The following KIAA0825 variants were observed in gnomAD, a reference collection of about 807,000 sequenced individuals.
KIAA0825 encodes the protein uncharacterized protein KIAA0825.
KIAA0825 carries 119 observed loss-of-function variants against 147.6 expected under a neutral mutation model. The observed-to-expected ratio is 0.81, with a 90% CI of 0.69 to 0.94. The LOEUF (loss-of-function observed/expected upper bound fraction) is 0.94. Ranked by LOEUF, KIAA0825 falls within the 40% of genes least tolerant of loss-of-function variation. The pLI is 0.00. For missense variants in KIAA0825, 1,381 were observed against 1,472.7 expected (o/e 0.94, Z 1.02); for synonymous variants, 470 against 518.1 (o/e 0.91, Z 1.26).
intron 2 of KIAA0825, among the ~76,000 whole-genome samples, chr5:94,541,636 G>C (rs960265506): frequency 6.6e-6 from 1 of 152,184 alleles, no homozygotes; most frequent in Non-Finnish European, 1.5e-5. Context: ...GTTTTCCTTA[G>C]GGCAAAGACT....
intron 2 of KIAA0825, among the ~76,000 whole-genome samples, chr5:94,551,095 A>G (rs1467693174): frequency 3.3e-5 from 5 of 151,650 alleles, no homozygotes; most frequent in African/African-American, 9.7e-5. Context: ...AAATAAAAAT[A>G]TAACATAAAG....
At chr5:94,284,592 A>G (rs1021843222) in intron 20 of KIAA0825, among the ~76,000 whole-genome samples, 1 of 152,124 alleles carries the variant, frequency 6.6e-6, no homozygotes, top group African/African-American at 2.4e-5. Flanking sequence ...ACAAACTTGG[A>G]GCTTATCATT....
intron 20 of KIAA0825, among the ~76,000 whole-genome samples, chr5:94,291,194 T>C (rs967645390): frequency 6.6e-6 from 1 of 152,166 alleles, no homozygotes; most frequent in Non-Finnish European, 1.5e-5. Context: ...AGCCTTGAAG[T>C]CTCTGCCCAT....
chr5:94,236,199 A>G (rs1394235696), intron 20 of KIAA0825, among the ~76,000 whole-genome samples: 2 of 152,248 alleles, frequency 1.3e-5, no homozygotes, highest in Non-Finnish European at 1.5e-5. Context: ...GGATTCATCA[A>G]TGTAGATGCC....
intron 14 of KIAA0825, among the ~76,000 whole-genome samples, chr5:94,436,039 G>A (rs1305758048): frequency 6.6e-6 from 1 of 152,096 alleles, no homozygotes; most frequent in East Asian, 1.9e-4. Flanking sequence ...TTGGTCCAAT[G>A]CATAGTTTGC....
chr5:94,550,796 C>G (rs1231690601), intron 2 of KIAA0825, among the ~76,000 whole-genome samples: 1 of 150,324 alleles, frequency 6.7e-6, no homozygotes, highest in Non-Finnish European at 1.5e-5. Flanking sequence ...GAGCCCAGAT[C>G]GCACCACTGC....
At chr5:94,605,199 C>T (rs1251465652) in intron 1 of KIAA0825, among the ~76,000 whole-genome samples, 1 of 152,118 alleles carries the variant, frequency 6.6e-6, no homozygotes, top group African/African-American at 2.4e-5. Context: ...CATACATCCT[C>T]TCATGACTGA....
intron 7 of KIAA0825, among the ~76,000 whole-genome samples, chr5:94,476,723 G>A (rs1761937706): frequency 6.6e-6 from 1 of 152,082 alleles, no homozygotes; most frequent in Non-Finnish European, 1.5e-5. Flanking sequence ...ACAGGTTTTG[G>A]GACCAAACAA....
intron 5 of KIAA0825, among the ~76,000 whole-genome samples, chr5:94,518,142 G>T (rs956459767): frequency 1.4e-4 from 22 of 152,146 alleles, no homozygotes; most frequent in Non-Finnish European, 2.9e-5. Context: ...TACAGACATA[G>T]ATTAAAGATA....
At chr5:94,457,008 GT>G (rs1057056737) in intron 12 of KIAA0825, among the ~76,000 whole-genome samples, 5 of 152,126 alleles carry the variant, frequency 3.3e-5, no homozygotes, top group Non-Finnish European at 5.9e-5. Context: ...TACCTAAACT[GT>G]TTTACTCCAC....
intron 20 of KIAA0825, among the ~76,000 whole-genome samples, chr5:94,189,104 C>T (rs1770429992): frequency 6.6e-6 from 1 of 152,096 alleles, no homozygotes; most frequent in African/African-American, 2.4e-5. Context: ...TAAGTATTTC[C>T]CTATTTATGA....
chr5:94,279,725 G>A (rs1777377330), intron 20 of KIAA0825, among the ~76,000 whole-genome samples: 1 of 151,970 alleles, frequency 6.6e-6, no homozygotes, highest in Non-Finnish European at 1.5e-5. Flanking sequence ...CTAGGCATCA[G>A]GGGAAGATAA....
chr5:94,517,365 T>G (rs1767428811), intron 5 of KIAA0825, among the ~76,000 whole-genome samples: 1 of 152,146 alleles, frequency 6.6e-6, no homozygotes, highest in Admixed American at 6.6e-5. Context: ...ATGTAAAGCC[T>G]TGTAAAGTCT....
chr5:94,329,945 G>A (rs1185011089), intron 20 of KIAA0825, among the ~76,000 whole-genome samples: 2 of 152,152 alleles, frequency 1.3e-5, no homozygotes, highest in Non-Finnish European at 2.9e-5. Flanking sequence ...TGCAGACAGA[G>A]TAAGATGAAG....
At position 94,273,556 on chromosome 5, in the gene KIAA0825, C is replaced by T. The variant is rs374076978; in HGVS notation, c.3710+110812G>A. On this transcript the variant is annotated intron_variant, in intron 20 of 20. Transcript: ENST00000682413. ...TTTTTCAGCCTCTGTCCCCATTACT[C>T]CATCTCTCCTTTTGGAGGTTTCAGT... Among the ~76,000 whole-genome samples, 6 of 152,064 alleles carry T rather than the reference C, an allele frequency of 3.9e-5. No individual in the cohort carries two copies. In the East Asian group the frequency reaches 9.7e-4, roughly 24 times the overall value.
At chr5:94,346,372 A>G (rs1366654940) in intron 20 of KIAA0825, among the ~76,000 whole-genome samples, 1 of 152,180 alleles carries the variant, frequency 6.6e-6, no homozygotes, top group Non-Finnish European at 1.5e-5. Flanking sequence ...AAAGCACAGA[A>G]TTTTAAGATA....
intron 20 of KIAA0825, among the ~76,000 whole-genome samples, chr5:94,211,645 A>G (rs1772717102): frequency 6.6e-6 from 1 of 152,128 alleles, no homozygotes; most frequent in Non-Finnish European, 1.5e-5. Context: ...AGTAAGATCT[A>G]TCTTCCGTAT....
chr5:94,225,505 A>G (rs1051726280), intron 20 of KIAA0825, among the ~76,000 whole-genome samples: 5 of 152,180 alleles, frequency 3.3e-5, no homozygotes, highest in African/African-American at 7.2e-5. Flanking sequence ...GCCTTTTGGA[A>G]TTAATTATTC....
At chr5:94,416,297 G>A (rs183576995) in intron 15 of KIAA0825, 1 of 152,142 alleles carries the variant, frequency 6.6e-6, no homozygotes, top group Non-Finnish European at 1.5e-5. Flanking sequence ...CAGCTAGAAT[G>A]ATATTCAAGT....
Sources: gnomAD v4.1 joint callset for allele counts (sites outside exome capture counted in the v4.1 genomes callset) on GRCh38, gnomAD v4.1.1 for gene constraint, MANE v1.5 for transcripts, NCBI Gene and HGNC (gene_info 2026-07-23, HGNC 2026-07-21) for gene names.